The following MRM1 variants were observed in gnomAD, a reference collection of about 807,000 sequenced individuals.
MRM1 encodes mitochondrial rRNA methyltransferase 1.
Under a neutral mutation model 25.0 loss-of-function variants are expected in MRM1, and 24 were observed. The ratio of observed to expected loss-of-function variants is 0.96; its 90% CI spans 0.69 to 1.35. The LOEUF (loss-of-function observed/expected upper bound fraction) is 1.35, where lower values mean the gene tolerates loss of function less well. Ranked by LOEUF, MRM1 falls within the 40% of genes most tolerant of loss-of-function variation. MRM1 has a pLI of 0.00. For missense variants in MRM1, 431 were observed against 464.1 expected (o/e 0.93, Z 0.65); for synonymous variants, 188 against 199.2 (o/e 0.94, Z 0.47).
At chr17:36,603,149 G>T (rs1016844594) in intron 2 of MRM1, 5 of 985,136 alleles carry the variant, frequency 5.1e-6, no homozygotes, top group Non-Finnish European at 4.8e-6. Context: ...CTCTGCATAT[G>T]GAATCCCCTC....
chr17:36,623,934 G>T, the MRM1 span, among the ~76,000 whole-genome samples: 1 of 152,240 alleles, frequency 6.6e-6, no homozygotes, highest in Non-Finnish European at 1.5e-5. Context: ...TAGATCCCAT[G>T]CACCGTCTTC....
the MRM1 span, among the ~76,000 whole-genome samples, chr17:36,625,486 A>C: frequency 4.2e-5 from 2 of 47,146 alleles, no homozygotes. Context: ...TTTTTTTGAG[A>C]AAGAGTCTTA....
chr17:36,634,522 A>G, the MRM1 span: 7 of 152,082 alleles, frequency 4.6e-5, no homozygotes, highest in Non-Finnish European at 1.0e-4. Context: ...TTTACCTAAC[A>G]TCGACTCACA....
the MRM1 span, among the ~76,000 whole-genome samples, chr17:36,626,472 C>G: frequency 6.6e-6 from 1 of 152,176 alleles, no homozygotes; most frequent in Non-Finnish European, 1.5e-5. Flanking sequence ...AGGTGATTCT[C>G]TTGCCTCAGC....
chr17:36,611,125 A>G (rs1214398539), downstream of MRM1, among the ~76,000 whole-genome samples: 1 of 152,170 alleles, frequency 6.6e-6, no homozygotes, highest in Non-Finnish European at 1.5e-5. Flanking sequence ...GATATTTCTT[A>G]AAGCTACTAG....
intron 2 of MRM1, among the ~76,000 whole-genome samples, chr17:36,606,598 C>T (rs1479707119): frequency 7.1e-6 from 1 of 139,876 alleles, no homozygotes; most frequent in Non-Finnish European, 1.5e-5. Flanking sequence ...CCATGATGCT[C>T]AGGCTAGTCT....
rs774689858 is a variant in MRM1 at position 36,602,190 on chromosome 17, G to A, written c.380G>A (p.Arg127Gln). 6.2e-7 allele frequency: 1 copy of A among 1,610,886 alleles called. No individual in the cohort carries two copies. The highest frequency in any genetic ancestry group is 1.1e-5 in the South Asian group (1 of 91,022). ...GTCTGCATGGAGGTGAGCCCGCTGCGGCCCCGGCCTTGGAGAGAGGCCGGG... is the reference window on the plus strand; with the variant it reads ...GTCTGCATGGAGGTGAGCCCGCTGCAGCCCCGGCCTTGGAGAGAGGCCGGG... ...QGVCMEVSPLRPRPWREAGEA... is the reference protein window; with the variant it reads ...QGVCMEVSPLQPRPWREAGEA... Residue 127 changes from arginine (R) to glutamine (Q), a missense_variant, in exon 1 of 5, where the codon CGG becomes CAG. By Grantham distance (43) the Arg-to-Gln change is conservative. Coordinates refer to ENST00000614766, the MANE Select transcript of MRM1 (RefSeq NM_024864.5). The surrounding 1 kb of genome is among the most constrained non-coding windows in gnomAD (Gnocchi z 4.1).
At chr17:36,619,822 A>C in the MRM1 span, among the ~76,000 whole-genome samples, 2 of 152,272 alleles carry the variant, frequency 1.3e-5, no homozygotes, top group African/African-American at 4.8e-5. Flanking sequence ...AAGAGTGCTC[A>C]AGGGTTCCAG....
At chr17:36,625,053 G>T in the MRM1 span, among the ~76,000 whole-genome samples, 1 of 152,178 alleles carries the variant, frequency 6.6e-6, no homozygotes, top group East Asian at 1.9e-4. Flanking sequence ...GTGTGTAAAG[G>T]TAAGAAAAAG....
At chr17:36,632,815 C>T in the MRM1 span, among the ~76,000 whole-genome samples, 5 of 152,042 alleles carry the variant, frequency 3.3e-5, no homozygotes, top group Admixed American at 6.6e-5. Context: ...AGCATTAACC[C>T]GAGTTTCTCA....
Position 36,608,520 on chromosome 17 carries a change from A to T in MRM1, c.*105A>T. 4.3e-6 allele frequency: 2 copies of T among 461,098 alleles called. No homozygotes were observed. The highest frequency in any genetic ancestry group is 6.8e-6 in the Non-Finnish European group (2 of 294,378). 28.6% of individuals were successfully genotyped at this position (461,098 alleles called of 1,614,324 possible). The stretch of plus-strand genomic sequence containing the variant: ...CTCTGCCTGAGTGTGCACCAGGCCC[A>T]TGTTTATTGACCACAGTCTGGGGGG... On this transcript the variant is annotated 3_prime_UTR_variant, in exon 5 of 5. Transcript: ENST00000614766.
At chr17:36,629,405 T>C in the MRM1 span, among the ~76,000 whole-genome samples, 2 of 152,032 alleles carry the variant, frequency 1.3e-5, no homozygotes, top group Admixed American at 1.3e-4. Context: ...TCCTGCCAAG[T>C]GGGTGAGCTG....
the MRM1 span, among the ~76,000 whole-genome samples, chr17:36,618,342 A>G: frequency 6.6e-6 from 1 of 152,186 alleles, no homozygotes; most frequent in African/African-American, 2.4e-5. Context: ...CAAGTCAGCG[A>G]CAACCAATAA....
At chr17:36,621,895 T>C in the MRM1 span, among the ~76,000 whole-genome samples, 1 of 152,252 alleles carries the variant, frequency 6.6e-6, no homozygotes, top group Non-Finnish European at 1.5e-5. Flanking sequence ...TGTGTTGCAT[T>C]GTGTATCTGT....
chr17:36,614,449 C>A, the MRM1 span, among the ~76,000 whole-genome samples: 1 of 152,196 alleles, frequency 6.6e-6, no homozygotes, highest in South Asian at 2.1e-4. Context: ...CTGTCCCCCT[C>A]TCCTGAGGGT....
the MRM1 span, among the ~76,000 whole-genome samples, chr17:36,621,208 C>T: frequency 3.3e-5 from 5 of 152,128 alleles, no homozygotes; most frequent in Non-Finnish European, 7.3e-5. Context: ...AAGCCAGCCA[C>T]ACCCCCAACA....
Position 36,602,181 on chromosome 17 carries a change from G to A in MRM1, c.371G>A (p.Ser124Asn). 2 of 1,611,316 alleles carry A rather than the reference G, an allele frequency of 1.2e-6. No homozygotes were observed. Among genetic ancestry groups the A allele is most frequent in the Non-Finnish European group, 1.7e-6 (2 of 1,178,476 alleles). The change falls in exon 1 of 5, where the codon AGC becomes AAC. Residue 124 changes from serine (S) to asparagine (N), a missense_variant. Transcript: ENST00000614766. The surrounding 1 kb of genome is among the most constrained non-coding windows in gnomAD (Gnocchi z 4.1). ...QVHQGVCMEV[S>N]PLRPRPWREA... ...CACCAGGGTGTCTGCATGGAGGTGA[G>A]CCCGCTGCGGCCCCGGCCTTGGAGA...
In MRM1 at chr17:36,602,355, A is replaced by G; in HGVS notation, c.542+3A>G. The G allele has an allele frequency of 6.4e-7, 1 of 1,555,210 alleles. No individual in the cohort carries two copies. The highest frequency in any genetic ancestry group is 8.7e-7 in the Non-Finnish European group (1 of 1,147,554). On this transcript the variant is annotated splice_donor_region_variant and intron_variant, in intron 1 of 4. Coordinates refer to ENST00000614766, the MANE Select transcript of MRM1 (RefSeq NM_024864.5). The surrounding 1 kb of genome is among the most constrained non-coding windows in gnomAD (Gnocchi z 4.1). ...GTCATCACCAGCCGGAGAAACAGGC[A>G]CGGACGTCCCTCATTCTCTATGTGC...
the MRM1 span, among the ~76,000 whole-genome samples, chr17:36,619,496 C>T: frequency 0.23 from 34,698 of 151,978 alleles, 4,254 homozygotes; most frequent in African/African-American, 0.29. Flanking sequence ...GGCAAAACCC[C>T]ATCTCTACTA....
Sources: allele counts gnomAD v4.1 joint callset (sites outside exome capture counted in the v4.1 genomes callset), GRCh38; gene constraint gnomAD v4.1.1; non-coding constraint Gnocchi (gnomAD v3.1); transcripts MANE v1.5; gene names NCBI Gene and HGNC (gene_info 2026-07-23, HGNC 2026-07-21).